UBE3A: variants seen among roughly 807,000 people sequenced by gnomAD.
UBE3A encodes the protein ubiquitin protein ligase E3A.
Under a neutral mutation model 83.4 loss-of-function variants are expected in UBE3A, and 6 were observed. The ratio of observed to expected loss-of-function variants is 0.07; its 90% CI spans 0.04 to 0.14. The LOEUF (loss-of-function observed/expected upper bound fraction) is 0.14, where lower values mean the gene tolerates loss of function less well. UBE3A is among the 10% of genes least tolerant of loss of function. The pLI is 1.00. For missense variants in UBE3A, 456 were observed against 1,036.1 expected (o/e 0.44, Z 7.69); for synonymous variants, 337 against 355.4 (o/e 0.95, Z 0.58).
At chr15:25,347,700 G>A (rs115556595) in intron 11 of UBE3A, among the ~76,000 whole-genome samples, 3,348 of 151,878 alleles carry the variant, frequency 0.022, 119 homozygotes, top group African/African-American at 0.076. Context: ...ACTGTGTCTC[G>A]AAACAAAAAC....
intron 1 of UBE3A, among the ~76,000 whole-genome samples, chr15:25,417,670 GA>G (rs1006309996): frequency 2.0e-5 from 3 of 151,704 alleles, no homozygotes; most frequent in African/African-American, 7.3e-5. Context: ...CAAGGGAGGA[GA>G]AAAAACAGTA....
rs1596281184 is a variant in UBE3A, at chr15:25,408,238, G to GCAAC, written c.20+849_20+850insGTTG. ...TGTCTTGGAAACAAACATAAACTAT[G>GCAAC]AAATATATACCACCTAGCAACAGTT... On this transcript the variant is annotated intron_variant, in intron 3 of 12. Transcript: ENST00000648336. The GCAAC allele has an allele frequency of 3.0e-5, 7 of 234,910 alleles. No homozygotes were observed. In the East Asian group the frequency reaches 8.0e-4, roughly 27 times the overall value. 14.6% of individuals were successfully genotyped at this position (234,910 alleles called of 1,614,324 possible). A position where few individuals can be genotyped will look rare whatever the true frequency, so the allele number is the denominator to read the frequency against.
chr15:25,359,415 A>T (rs1360714781), intron 7 of UBE3A, among the ~76,000 whole-genome samples: 5 of 98,358 alleles, frequency 5.1e-5, no homozygotes, highest in South Asian at 8.2e-4. Context: ...TAGATAAGGG[A>T]TGCGTGTGTG....
At chr15:25,424,684 T>C (rs1405348925) in intron 1 of UBE3A, among the ~76,000 whole-genome samples, 1 of 152,150 alleles carries the variant, frequency 6.6e-6, no homozygotes, top group Non-Finnish European at 1.5e-5. Flanking sequence ...AAAAAAATTA[T>C]ATGAAACACA....
chr15:25,352,553 A>G (rs938539463), intron 11 of UBE3A, among the ~76,000 whole-genome samples: 2 of 152,252 alleles, frequency 1.3e-5, no homozygotes, highest in Admixed American at 1.3e-4. Context: ...AATGCTAATG[A>G]AGTGAGCACA....
At chr15:25,426,019 G>C (rs1460949452) in intron 1 of UBE3A, among the ~76,000 whole-genome samples, 1 of 90,266 alleles carries the variant, frequency 1.1e-5, no homozygotes, top group Non-Finnish European at 2.6e-5. Flanking sequence ...CCCTCCCTTG[G>C]GTTCTTTGAA....
intron 6 of UBE3A, among the ~76,000 whole-genome samples, chr15:25,369,443 C>A (rs975467737): frequency 6.0e-5 from 9 of 150,562 alleles, no homozygotes; most frequent in African/African-American, 2.2e-4. Context: ...CTTTTTCCAC[C>A]GGGCTACAGC....
intron 4 of UBE3A, among the ~76,000 whole-genome samples, chr15:25,388,670 G>GATGAAATGACTAT (rs1487544042): frequency 6.6e-6 from 1 of 152,056 alleles, no homozygotes; most frequent in Admixed American, 6.6e-5. Flanking sequence ...TTTGTTTGCA[G>GATGAAATGACTAT]ATGAAATGAC....
chr15:25,354,845 C>T (rs1410828806), intron 9 of UBE3A, among the ~76,000 whole-genome samples, 162 bp from the exon 10 acceptor site: 2 of 151,996 alleles, frequency 1.3e-5, no homozygotes, highest in African/African-American at 4.8e-5. Flanking sequence ...TCACAATTCT[C>T]TGTTATAGCC....
intron 4 of UBE3A, among the ~76,000 whole-genome samples, chr15:25,392,529 T>A (rs567161224): frequency 1.3e-5 from 2 of 152,010 alleles, no homozygotes; most frequent in Non-Finnish European, 2.9e-5. Flanking sequence ...TCAGGCTACA[T>A]AAAAAGGGCT....
intron 1 of UBE3A, among the ~76,000 whole-genome samples, chr15:25,416,597 A>G (rs1886944367): frequency 6.6e-6 from 1 of 151,652 alleles, no homozygotes; most frequent in Non-Finnish European, 1.5e-5. Context: ...AGTGTGTGAA[A>G]GTGCAACAAG....
intron 1 of UBE3A, among the ~76,000 whole-genome samples, chr15:25,431,338 A>ATTTTC (rs200887628): frequency 3.8e-4 from 58 of 152,058 alleles, no homozygotes; most frequent in Admixed American, 1.0e-3. Context: ...TAAACAGCAT[A>ATTTTC]TTTTCTTTTC....
At chr15:25,348,999 T>A (rs755380090) in intron 11 of UBE3A, among the ~76,000 whole-genome samples, 1 of 152,212 alleles carries the variant, frequency 6.6e-6, no homozygotes, top group Non-Finnish European at 1.5e-5. Context: ...CAAAGCAACC[T>A]AATGAAAAAG....
At chr15:25,408,499 T>C (rs1267988731) in intron 3 of UBE3A, 2 of 1,324,442 alleles carry the variant, frequency 1.5e-6, no homozygotes. Context: ...GATAATAAAA[T>C]GTAAATCTCA....
intron 11 of UBE3A, among the ~76,000 whole-genome samples, chr15:25,348,977 G>A (rs2076114442): frequency 6.6e-6 from 1 of 152,184 alleles, no homozygotes; most frequent in Non-Finnish European, 1.5e-5. Context: ...ATATTTATAT[G>A]CAAATAAAAG....
chr15:25,354,851 T>C (rs527890819), intron 9 of UBE3A, among the ~76,000 whole-genome samples, 168 bp from the exon 10 acceptor site: 123 of 152,130 alleles, frequency 8.1e-4, no homozygotes, highest in Non-Finnish European at 1.6e-3. Flanking sequence ...TTCTCTGTTA[T>C]AGCCAATATT....
intron 4 of UBE3A, among the ~76,000 whole-genome samples, chr15:25,381,769 T>C (rs1487146785): frequency 6.6e-6 from 1 of 152,186 alleles, no homozygotes; most frequent in Non-Finnish European, 1.5e-5. Context: ...GTATCCTAAA[T>C]AGTTCTAGGC....
intron 4 of UBE3A, among the ~76,000 whole-genome samples, chr15:25,377,274 A>G (rs900806983): frequency 7.2e-5 from 11 of 152,212 alleles, no homozygotes; most frequent in South Asian, 4.1e-4. Flanking sequence ...ACAAAAAGTG[A>G]TAATTCACAC....
chr15:25,359,521 A>C (rs1335907818), intron 7 of UBE3A, among the ~76,000 whole-genome samples: 2 of 151,704 alleles, frequency 1.3e-5, no homozygotes, highest in Non-Finnish European at 2.9e-5. Flanking sequence ...ATAACAGCTC[A>C]AATCTCAAAG....
Sources: gnomAD v4.1 joint callset for allele counts (sites outside exome capture counted in the v4.1 genomes callset) on GRCh38, gnomAD v4.1.1 for gene constraint, MANE v1.5 for transcripts, NCBI Gene and HGNC (gene_info 2026-07-23, HGNC 2026-07-21) for gene names.